PITPNM2: variants seen among roughly 807,000 people sequenced by gnomAD.
The protein encoded by PITPNM2 is membrane-associated phosphatidylinositol transfer protein 2.
A neutral mutation model predicts 132.2 loss-of-function variants in PITPNM2; 35 were observed. The ratio of observed to expected loss-of-function variants is 0.26; its 90% CI spans 0.20 to 0.35. PITPNM2 has a LOEUF of 0.35. Among genes scored for constraint, PITPNM2 ranks in the 10% least tolerant of loss-of-function variants. The probability of loss-of-function intolerance (pLI) is 1.00; values close to 1 mark genes in which losing one functional copy is unlikely to be tolerated. For synonymous variants in PITPNM2, 738 were observed against 799.2 expected, an observed-to-expected ratio of 0.92 and a Z score of 1.29; for missense variants, 1,332 against 1,912.0, an observed-to-expected ratio of 0.70 and a Z score of 5.66.
chr12:123,145,570 T>C (rs1053343224), intron 1 of PITPNM2, among the ~76,000 whole-genome samples: 1 of 152,184 alleles, frequency 6.6e-6, no homozygotes, highest in Non-Finnish European at 1.5e-5. Context: ...TTATGAAGAA[T>C]GGGGAACTTC....
intron 3 of PITPNM2, among the ~76,000 whole-genome samples, chr12:123,019,601 A>G (rs1482843871): frequency 6.6e-6 from 1 of 152,226 alleles, no homozygotes; most frequent in East Asian, 1.9e-4. Context: ...CTCTCCCTCC[A>G]GGAAAGCCGC....
chr12:123,055,103 T>C (rs957488227), intron 2 of PITPNM2, among the ~76,000 whole-genome samples: 3 of 152,146 alleles, frequency 2.0e-5, no homozygotes, highest in Admixed American at 1.3e-4. Flanking sequence ...TACATTTTAC[T>C]TTACTCCAAG....
intron 2 of PITPNM2, among the ~76,000 whole-genome samples, chr12:123,093,250 A>G (rs563580315): frequency 6.6e-6 from 1 of 152,278 alleles, no homozygotes; most frequent in Admixed American, 6.5e-5. Flanking sequence ...TCCATCGAGG[A>G]GCTCATTTTT....
chr12:123,047,125 C>T (rs936146251), intron 2 of PITPNM2, among the ~76,000 whole-genome samples: 4 of 152,162 alleles, frequency 2.6e-5, no homozygotes, highest in Admixed American at 6.6e-5. Context: ...AAAATTTAAG[C>T]GGTATATTCC....
At chr12:123,011,914 T>A (rs1184982705) in intron 5 of PITPNM2, among the ~76,000 whole-genome samples, 1 of 151,890 alleles carries the variant, frequency 6.6e-6, no homozygotes, top group Non-Finnish European at 1.5e-5. Flanking sequence ...ACCCAGGAAA[T>A]CCCAGCAGAG....
intron 2 of PITPNM2, among the ~76,000 whole-genome samples, chr12:123,043,974 C>A (rs931745851): frequency 6.6e-6 from 1 of 152,190 alleles, no homozygotes; most frequent in African/African-American, 2.4e-5. Context: ...GAACTCACCT[C>A]CTACCCTGGT....
intron 2 of PITPNM2, among the ~76,000 whole-genome samples, chr12:123,038,803 A>C (rs1188151168): frequency 1.3e-5 from 2 of 151,914 alleles, no homozygotes; most frequent in African/African-American, 4.8e-5. Context: ...AAAGTCATCT[A>C]AAAAATAATT....
At position 123,117,414 on chromosome 12, in the gene PITPNM2, T is replaced by C. The variant is rs1258142355; in HGVS notation, c.-199-6926A>G. On this transcript the variant is annotated intron_variant, in intron 1 of 25. Coordinates refer to ENST00000320201, the MANE Select transcript of PITPNM2 (RefSeq NM_020845.3). The surrounding 1 kb of genome is among the most constrained non-coding windows in gnomAD (Gnocchi z 4.7). ...AGAGATATGGATGGGATTCCCTGAG[T>C]GCAGTGAAGTGATCATTGGCATGGG... 6.6e-6 allele frequency among the ~76,000 whole-genome samples: 1 copy of C among 152,144 alleles called. No homozygotes were observed. The highest frequency in any genetic ancestry group is 1.5e-5 in the Non-Finnish European group (1 of 68,012).
rs570785391 is a variant in PITPNM2 at position 123,097,140 on chromosome 12, T to C, written c.-96+13245A>G. 2.7e-4 allele frequency among the ~76,000 whole-genome samples: 41 copies of C among 152,340 alleles called. No homozygotes were observed. The highest frequency in any genetic ancestry group is 2.6e-3 in the Admixed American group (40 of 15,308). ...TTGCTGCAACCTCTTCCTCCTGGGT[T>C]CAAGTGATTCTCCTGCCTCAGCCTC... On this transcript the variant is annotated intron_variant, in intron 2 of 25. Coordinates refer to ENST00000320201, the MANE Select transcript of PITPNM2 (RefSeq NM_020845.3). This position sits in a 1 kb window ranked among gnomAD's most constrained non-coding sequence, Gnocchi z 4.7.
At chr12:122,997,671 C>T (rs2038490302) in intron 10 of PITPNM2, 99 bp from the exon 11 acceptor site, 4 of 1,480,352 alleles carry the variant, frequency 2.7e-6, no homozygotes, top group Admixed American at 3.9e-5. Flanking sequence ...TTGCACGCAG[C>T]CCAACTGCTC....
At chr12:123,074,303 T>C (rs749611557) in intron 2 of PITPNM2, among the ~76,000 whole-genome samples, 11 of 152,200 alleles carry the variant, frequency 7.2e-5, no homozygotes, top group Non-Finnish European at 1.6e-4. Context: ...AGGAGTTTGC[T>C]GAGCCCTGCT....
chr12:123,060,012 T>TC (rs745807089), intron 2 of PITPNM2, among the ~76,000 whole-genome samples: 1 of 152,204 alleles, frequency 6.6e-6, no homozygotes, highest in East Asian at 1.9e-4. Context: ...CAGGCAGAAC[T>TC]CCAAGTATCA....
chr12:123,004,242 T>A lies in PITPNM2; in HGVS notation c.1048+152A>T. 1 of 693,086 alleles carries A rather than the reference T, an allele frequency of 1.4e-6. No individual in the cohort carries two copies. The highest frequency in any genetic ancestry group is 1.8e-5 in the South Asian group (1 of 56,034). The allele number at this position is 693,086 out of a possible 1,614,324, so 42.9% of individuals were successfully genotyped here. On this transcript the variant is annotated intron_variant, in intron 8 of 25. Coordinates refer to ENST00000320201, the MANE Select transcript of PITPNM2 (RefSeq NM_020845.3). This position sits in a 1 kb window ranked among gnomAD's most constrained non-coding sequence, Gnocchi z 4.9. Reference sequence around the variant, plus strand: ...CTGTGCACTGCCCCAAACACCAGGCTGTCCACCTGGGACAGTGCAGGTATA... The same window carrying A: ...CTGTGCACTGCCCCAAACACCAGGCAGTCCACCTGGGACAGTGCAGGTATA...
At chr12:123,126,583 G>C (rs1319639047) in intron 1 of PITPNM2, among the ~76,000 whole-genome samples, 2 of 152,154 alleles carry the variant, frequency 1.3e-5, no homozygotes, top group African/African-American at 4.8e-5. Context: ...TAAAGAAAAA[G>C]AACTAGGGAG....
At position 122,994,902 on chromosome 12, in the gene PITPNM2, G is replaced by C; in HGVS notation, c.2132C>G (p.Ala711Gly). The C allele has an allele frequency of 6.2e-7, 1 of 1,612,204 alleles. No homozygotes were observed. The highest frequency in any genetic ancestry group is 8.5e-7 in the Non-Finnish European group (1 of 1,179,896). The change falls in exon 15 of 26, where the codon GCC becomes GGC. Residue 711 changes from alanine to glycine, a missense_variant. Around this residue, in one of 6 missense-constraint regions of PITPNM2, gnomAD observed 710 missense variants for 911.5 expected, o/e 0.78. Coordinates refer to ENST00000320201, the MANE Select transcript of PITPNM2 (RefSeq NM_020845.3). This position sits in a 1 kb window ranked among gnomAD's most constrained non-coding sequence, Gnocchi z 5.4. ...SSSTMLDGTG[A>G]LGRFDFEITD... ...GATCTCAAAGTCAAACCTGCCCAGG[G>C]CACCTGTGCCATCCAGCATGGTGGA...
In PITPNM2 at chr12:122,985,862, G is replaced by T. The variant is rs1003714607; in HGVS notation, c.*165C>A. On this transcript the variant is annotated 3_prime_UTR_variant, in exon 26 of 26. Coordinates refer to ENST00000320201, the MANE Select transcript of PITPNM2 (RefSeq NM_020845.3). ...AGCCGGACCCGTCAGGCCCGAGGAC[G>T]TGAGGCAGGGCAGGGAGCACTGTGT... The T allele has an allele frequency of 1.6e-5, 10 of 617,830 alleles. No individual in the cohort carries two copies. Among genetic ancestry groups the T allele is most frequent in the Non-Finnish European group, 2.4e-5 (10 of 410,054 alleles). The allele number at this position is 617,830 out of a possible 1,614,324, so 38.3% of individuals were successfully genotyped here. A position where few individuals can be genotyped will look rare whatever the true frequency, so the allele number is the denominator to read the frequency against.
At chr12:123,151,118 T>G (rs2043736803), upstream of PITPNM2, among the ~76,000 whole-genome samples, 2 of 144,974 alleles carry the variant, frequency 1.4e-5, no homozygotes, top group East Asian at 2.0e-4. Flanking sequence ...CGGGCTCGCA[T>G]TCCCTCAGTG....
At chr12:122,986,894 C>T in intron 23 of PITPNM2, 65 bp from the exon 24 acceptor site, 10 of 1,501,194 alleles carry the variant, frequency 6.7e-6, no homozygotes, top group Non-Finnish European at 8.9e-6. Context: ...GTCTCCTGCC[C>T]AGCCAGGGCC....
At chr12:123,063,051 C>T (rs897115195) in intron 2 of PITPNM2, among the ~76,000 whole-genome samples, 2 of 152,252 alleles carry the variant, frequency 1.3e-5, no homozygotes, top group Non-Finnish European at 1.5e-5. Flanking sequence ...CACAGGCCTG[C>T]GGGCACATAG....
Sources: allele counts gnomAD v4.1 joint callset (sites outside exome capture counted in the v4.1 genomes callset), GRCh38; gene constraint gnomAD v4.1.1; regional missense constraint gnomAD v4.1.1; non-coding constraint Gnocchi (gnomAD v3.1); transcripts MANE v1.5; gene names NCBI Gene and HGNC (gene_info 2026-07-23, HGNC 2026-07-21).